Variants in ITGB3BP observed in about 807,000 individuals in gnomAD.
The protein encoded by ITGB3BP is centromere protein R.
Under a neutral mutation model 29.1 loss-of-function variants are expected in ITGB3BP, and 27 were observed. The ratio of observed to expected loss-of-function variants is 0.93; its 90% confidence interval spans 0.68 to 1.28. The LOEUF (loss-of-function observed/expected upper bound fraction) is 1.28. ITGB3BP is among the 50% of genes most tolerant of loss of function. The pLI is 0.00. For synonymous variants in ITGB3BP, 61 were observed against 61.4 expected (o/e 0.99, Z 0.03); for missense variants, 192 against 200.2 (o/e 0.96, Z 0.25).
At chr1:63,482,649 ATTT>A (rs34619742) in intron 3 of ITGB3BP, among the ~76,000 whole-genome samples, 8 of 129,832 alleles carry the variant, frequency 6.2e-5, no homozygotes, top group Admixed American at 7.9e-5. Flanking sequence ...AACAATGTTA[ATTT>A]TTTTTTTTTT....
intron 4 of ITGB3BP, among the ~76,000 whole-genome samples, chr1:63,462,930 G>C (rs183023151): frequency 3.3e-4 from 51 of 152,244 alleles, no homozygotes; most frequent in Admixed American, 2.9e-3. Flanking sequence ...TTACTCTTCT[G>C]CCTGTAAGAG....
chr1:63,468,206 T>A (rs1391660929), intron 4 of ITGB3BP, among the ~76,000 whole-genome samples: 1 of 152,196 alleles, frequency 6.6e-6, no homozygotes, highest in African/African-American at 2.4e-5. Flanking sequence ...ATTTTATAAA[T>A]TCTGTGAAAT....
At chr1:63,472,443 T>TCCCCTCTC (rs11379062) in intron 4 of ITGB3BP, among the ~76,000 whole-genome samples, 52 of 90,354 alleles carry the variant, frequency 5.8e-4, no homozygotes, top group African/African-American at 1.3e-3. Context: ...CCTCTCCCTC[T>TCCCCTCTC]CCCTCTCCCC....
intron 2 of ITGB3BP, among the ~76,000 whole-genome samples, 167 bp from the exon 3 acceptor site, chr1:63,490,385 A>C (rs537159944): frequency 7.2e-5 from 11 of 152,278 alleles, no homozygotes; most frequent in Non-Finnish European, 1.5e-4. Context: ...CTATTCTTTC[A>C]AGGTAGATAT....
In ITGB3BP at chr1:63,468,512, G is replaced by A. The variant is rs926407626; in HGVS notation, c.254+10252C>T. Among the ~76,000 whole-genome samples, 5 of 152,158 alleles carry A rather than the reference G, an allele frequency of 3.3e-5. 1 individual carries two copies. Among genetic ancestry groups the A allele is most frequent in the African/African-American group, 1.2e-4 (5 of 41,428 alleles). On this transcript the variant is annotated intron_variant, in intron 4 of 8. Coordinates refer to ENST00000271002, the MANE Select transcript of ITGB3BP (RefSeq NM_014288.5). Reference sequence around the variant, plus strand: ...GGAGGCCGAGGCAGGCAGGTCACAAGGTCAAGATATCAAGACTATCCTGGC... The same window carrying A: ...GGAGGCCGAGGCAGGCAGGTCACAAAGTCAAGATATCAAGACTATCCTGGC...
intron 4 of ITGB3BP, among the ~76,000 whole-genome samples, chr1:63,463,275 C>CTA (rs1645047777): frequency 8.1e-6 from 1 of 124,086 alleles, no homozygotes; most frequent in Non-Finnish European, 1.8e-5. Flanking sequence ...AAAAAAAGTC[C>CTA]TATACAACAG....
At chr1:63,519,129 C>T (rs1454679983) in intron 1 of ITGB3BP, among the ~76,000 whole-genome samples, 2 of 152,044 alleles carry the variant, frequency 1.3e-5, no homozygotes, top group East Asian at 1.9e-4. Flanking sequence ...TATAGATGCT[C>T]CTTGACTTAC....
At chr1:63,457,509 C>T (rs1168822209) in intron 4 of ITGB3BP, 1 of 152,074 alleles carries the variant, frequency 6.6e-6, no homozygotes, top group African/African-American at 2.4e-5. Context: ...TCTTGATGTT[C>T]CTTTACTAAT....
At chr1:63,462,989 C>A (rs923028218) in intron 4 of ITGB3BP, among the ~76,000 whole-genome samples, 4 of 152,168 alleles carry the variant, frequency 2.6e-5, no homozygotes, top group Non-Finnish European at 5.9e-5. Flanking sequence ...CACAGTGGCT[C>A]ATGCCTATAA....
intron 7 of ITGB3BP, among the ~76,000 whole-genome samples, chr1:63,448,178 G>A (rs1287712651): frequency 4.7e-5 from 5 of 107,162 alleles, no homozygotes; most frequent in African/African-American, 1.1e-4. Flanking sequence ...GGGGACTGTT[G>A]TGGGGTGGGG....
chr1:63,512,542 T>G (rs1311132602), intron 1 of ITGB3BP, among the ~76,000 whole-genome samples: 1 of 152,134 alleles, frequency 6.6e-6, no homozygotes, highest in Non-Finnish European at 1.5e-5. Flanking sequence ...ATAACAGGAC[T>G]GAGGGGAAGA....
intron 4 of ITGB3BP, among the ~76,000 whole-genome samples, chr1:63,465,427 T>A (rs1645082735): frequency 6.6e-6 from 1 of 152,130 alleles, no homozygotes; most frequent in Non-Finnish European, 1.5e-5. Flanking sequence ...GGGATTTTTT[T>A]CTTTTTTTTT....
At chr1:63,445,215 G>A (rs1214007712) in intron 8 of ITGB3BP, among the ~76,000 whole-genome samples, 2 of 152,106 alleles carry the variant, frequency 1.3e-5, no homozygotes, top group African/African-American at 2.4e-5. Context: ...GAATACAGGA[G>A]GTGGAGGTTT....
At chr1:63,464,862 A>G (rs886435555) in intron 4 of ITGB3BP, among the ~76,000 whole-genome samples, 2 of 152,202 alleles carry the variant, frequency 1.3e-5, no homozygotes, top group Non-Finnish European at 2.9e-5. Flanking sequence ...CAACTGAGGA[A>G]TGACGTACAA....
At chr1:63,448,044 T>C (rs1019394992) in intron 7 of ITGB3BP, among the ~76,000 whole-genome samples, 13 of 150,682 alleles carry the variant, frequency 8.6e-5, no homozygotes, top group African/African-American at 2.2e-4. Flanking sequence ...ATGGACGAAA[T>C]TGGAAATCAT....
At chr1:63,519,907 C>T (rs192881657) in intron 1 of ITGB3BP, among the ~76,000 whole-genome samples, 14 of 152,214 alleles carry the variant, frequency 9.2e-5, no homozygotes, top group Admixed American at 3.9e-4. Flanking sequence ...GAATGGCCCC[C>T]ACTGTTACTG....
At chr1:63,496,062 A>G (rs1645779531) in intron 2 of ITGB3BP, among the ~76,000 whole-genome samples, 1 of 151,574 alleles carries the variant, frequency 6.6e-6, no homozygotes, top group Admixed American at 6.6e-5. Context: ...GCAACTCCTA[A>G]GCTTACTCCT....
intron 2 of ITGB3BP, among the ~76,000 whole-genome samples, chr1:63,507,006 G>A (rs1646095996): frequency 6.6e-6 from 1 of 152,208 alleles, no homozygotes; most frequent in Admixed American, 6.6e-5. Flanking sequence ...TAGATGAAGT[G>A]TGTATGTAGC....
At chr1:63,509,922 G>A (rs1183624293) in intron 1 of ITGB3BP, 4 of 384,194 alleles carry the variant, frequency 1.0e-5, no homozygotes, top group Non-Finnish European at 1.8e-5. Context: ...ACCAGGCGTG[G>A]TGGCTCGTGC....
Sources: gnomAD v4.1 joint callset for allele counts (sites outside exome capture counted in the v4.1 genomes callset) on GRCh38, gnomAD v4.1.1 for gene constraint, MANE v1.5 for transcripts, NCBI Gene and HGNC (gene_info 2026-07-23, HGNC 2026-07-21) for gene names.